Variants in MYO1C observed in about 807,000 individuals in gnomAD.
The protein encoded by MYO1C is unconventional myosin-Ic.
Under a neutral mutation model 150.8 loss-of-function variants are expected in MYO1C, and 104 were observed. The observed-to-expected ratio is 0.69, with a 90% CI of 0.59 to 0.81. MYO1C has a LOEUF of 0.81. Among genes scored for constraint, MYO1C ranks in the 30% least tolerant of loss-of-function variants. The pLI is 0.00. For synonymous variants in MYO1C, 663 were observed against 579.9 expected (o/e 1.14, Z -2.06); for missense variants, 1,504 against 1,435.0 (o/e 1.05, Z -0.78).
chr17:1,488,896 C>T (rs996153105), intron 1 of MYO1C, among the ~76,000 whole-genome samples: 5 of 152,158 alleles, frequency 3.3e-5, no homozygotes, highest in African/African-American at 1.2e-4. Context: ...TGGGGTGGCC[C>T]AGCAGACCTG....
At chr17:1,492,189 G>A in intron 1 of MYO1C, 1 of 581,432 alleles carries the variant, frequency 1.7e-6, no homozygotes, top group Non-Finnish European at 3.1e-6. Context: ...GGGAAGCCGG[G>A]GAAGAGTCAA....
intron 16 of MYO1C, 40 bp from the exon 17 acceptor site, chr17:1,474,730 C>T: frequency 6.2e-7 from 1 of 1,613,416 alleles, no homozygotes; most frequent in Non-Finnish European, 8.5e-7. Context: ...GGCACAGGGA[C>T]AGGCAGGACA....
intron 7 of MYO1C, 39 bp downstream of exon 7, chr17:1,480,488 G>T: frequency 6.7e-7 from 1 of 1,497,886 alleles, no homozygotes; most frequent in Non-Finnish European, 9.3e-7. Flanking sequence ...TTTTGGGGGT[G>T]TGACAGGAGG....
Position 1,478,412 on chromosome 17 carries a change from G to A in MYO1C, c.1293C>T (p.Asn431=), listed in dbSNP as rs772863592. 5 of 1,614,198 alleles carry A rather than the reference G, an allele frequency of 3.1e-6. No homozygotes were observed. In the East Asian group the frequency reaches 6.7e-5, roughly 22 times the overall value. ...DIYGFEVFQH[N]SFEQFCINYC... is the part of the protein sequence containing the mutation. ...GACGGGGGAAAGATGGCACCGACCT[G>A]TTATGCTGAAACACTTCAAAGCCAT... The change falls in exon 11 of 32, where the codon AAC becomes AAT. Residue 431 remains asparagine (N), a splice_region_variant and synonymous_variant. Transcript: ENST00000648651. The surrounding 1 kb of genome is among the most constrained non-coding windows in gnomAD (Gnocchi z 6.3).
intron 16 of MYO1C, 36 bp downstream of exon 16, chr17:1,474,776 C>T (rs756361099): frequency 1.9e-6 from 3 of 1,598,614 alleles, no homozygotes; most frequent in Non-Finnish European, 2.6e-6. Context: ...GTGGGCTATC[C>T]CCACCCCCAC....
At chr17:1,469,861 C>T (rs2074262264) in intron 24 of MYO1C, among the ~76,000 whole-genome samples, 1 of 152,132 alleles carries the variant, frequency 6.6e-6, no homozygotes, top group Non-Finnish European at 1.5e-5. Flanking sequence ...AGGGTGAAAC[C>T]CCGTCTCTAC....
intron 1 of MYO1C, 194 bp from the exon 2 acceptor site, chr17:1,484,497 G>A: frequency 1.5e-6 from 1 of 661,852 alleles, no homozygotes; most frequent in South Asian, 1.8e-5. Flanking sequence ...GGAAAGCCGG[G>A]TGTGGAGGGC....
chr17:1,485,819 C>CCCG (rs1478798048), intron 1 of MYO1C: 6 of 640,412 alleles, frequency 9.4e-6, no homozygotes, highest in African/African-American at 2.0e-5. Context: ...CGCACCGCCC[C>CCCG]CACCCGGGCC....
intron 5 of MYO1C, 190 bp from the exon 6 acceptor site, chr17:1,481,075 G>C (rs1227098234): frequency 1.6e-6 from 1 of 616,726 alleles, no homozygotes; most frequent in African/African-American, 1.8e-5. Context: ...GAAATGGGGA[G>C]ATTCAACTCC....
intron 31 of MYO1C, among the ~76,000 whole-genome samples, chr17:1,466,919 A>G (rs1022944970): frequency 6.6e-6 from 1 of 151,502 alleles, no homozygotes; most frequent in Admixed American, 6.6e-5. Flanking sequence ...GAGCCACTGC[A>G]CCCAGCCTTT....
In MYO1C at chr17:1,478,496, G is replaced by C; in HGVS notation, c.1213-4C>G. ...GCCAGCTGGGGCTCTCCACGTCCTA[G>C]GGCAGTCATTCAACCGAAGGCGTGG... On this transcript the variant is annotated splice_region_variant and splice_polypyrimidine_tract_variant and intron_variant, in intron 10 of 31. Coordinates refer to ENST00000648651, the MANE Select transcript of MYO1C (RefSeq NM_001080779.2). The surrounding 1 kb of genome is among the most constrained non-coding windows in gnomAD (Gnocchi z 6.3). The C allele has an allele frequency of 3.1e-6, 5 of 1,614,114 alleles. No homozygotes were observed. Among genetic ancestry groups the C allele is most frequent in the East Asian group, 2.2e-5 (1 of 44,888 alleles).
rs988943619 is a variant in MYO1C, at chr17:1,478,822, G to A, written c.1093-87C>T. 63 of 1,586,938 alleles carry A rather than the reference G, an allele frequency of 4.0e-5. No individual in the cohort carries two copies. The highest frequency in any genetic ancestry group is 4.5e-4 in the Middle Eastern group (2 of 4,430). ...CCAGGCTCAGGCAGACCAGGAAGCCGCCACCACTCTGCACTCCCAGCTCCA... is the reference window on the plus strand; with the variant it reads ...CCAGGCTCAGGCAGACCAGGAAGCCACCACCACTCTGCACTCCCAGCTCCA... On this transcript the variant is annotated intron_variant, in intron 9 of 31. Transcript: ENST00000648651. The surrounding 1 kb of genome is among the most constrained non-coding windows in gnomAD (Gnocchi z 6.3).
chr17:1,482,475 T>C lies in MYO1C; in HGVS notation c.627+3A>G, dbSNP rs1272824012. 6.2e-7 allele frequency: 1 copy of C among 1,613,102 alleles called. No individual in the cohort carries two copies. Among genetic ancestry groups the C allele is most frequent in the Non-Finnish European group, 8.5e-7 (1 of 1,179,236 alleles). ...ATCCTCACGACACACACATCCATGG[T>C]ACCTTGAAGTCAAACTGCACATCCA... On this transcript the variant is annotated splice_donor_region_variant and intron_variant, in intron 5 of 31. Transcript: ENST00000648651.
rs1433940206 is a variant in MYO1C, at chr17:1,483,668, T to C, written c.289A>G (p.Ser97Gly). 3 of 1,613,124 alleles carry C rather than the reference T, an allele frequency of 1.9e-6. No individual in the cohort carries two copies. The highest frequency in any genetic ancestry group is 2.2e-5 in the East Asian group (1 of 44,872). ...VNPYRDLQIY[S>G]RQHMERYRGV... ...CGGTAACGCTCCATATGCTGCCGGC[T>C]GTAGATCTGCAGGTCCCGGTAGGGA... Residue 97 changes from serine to glycine, a missense_variant, in exon 3 of 32, where the codon AGC becomes GGC. Ser to Gly is a moderately conservative substitution (Grantham distance 56). Coordinates refer to ENST00000648651, the MANE Select transcript of MYO1C (RefSeq NM_001080779.2).
intron 24 of MYO1C, among the ~76,000 whole-genome samples, chr17:1,469,904 G>A (rs1386075138): frequency 4.6e-5 from 7 of 152,050 alleles, no homozygotes; most frequent in Non-Finnish European, 8.8e-5. Flanking sequence ...GCGTAGTGGC[G>A]GGCGCCTGTA....
intron 1 of MYO1C, among the ~76,000 whole-genome samples, chr17:1,490,535 C>T (rs2074717809): frequency 6.6e-6 from 1 of 152,068 alleles, no homozygotes; most frequent in African/African-American, 2.4e-5. Context: ...AAACAAAAAC[C>T]TCACCTCCAT....
chr17:1,479,451 T>A lies in MYO1C; in HGVS notation c.1072A>T (p.Ile358Phe). ...TLREALTHRKIIAKGEELLSP... is the reference protein window; with the variant it reads ...TLREALTHRKFIAKGEELLSP... ...CTCACCTCCTCCCCCTTGGCGATGATCTTCCTGTGTGTCAGGGCTTCTCGC... is the reference window on the plus strand; with the variant it reads ...CTCACCTCCTCCCCCTTGGCGATGAACTTCCTGTGTGTCAGGGCTTCTCGC... Residue 358 changes from isoleucine (I) to phenylalanine (F), a missense_variant, in exon 9 of 32, where the codon ATC becomes TTC. Ile to Phe is a conservative substitution (Grantham distance 21). Transcript: ENST00000648651. This position sits in a 1 kb window ranked among gnomAD's most constrained non-coding sequence, Gnocchi z 4.2. 2 of 1,496,078 alleles carry A rather than the reference T, an allele frequency of 1.3e-6. No homozygotes were observed. Among genetic ancestry groups the A allele is most frequent in the South Asian group, 1.2e-5 (1 of 83,222 alleles). The allele number at this position is 1,496,078 out of a possible 1,614,324, so 92.7% of individuals were successfully genotyped here.
chr17:1,475,167 T>G (rs1485047893), intron 14 of MYO1C, 135 bp from the exon 15 acceptor site: 1 of 845,520 alleles, frequency 1.2e-6, no homozygotes, highest in East Asian at 2.7e-5. Flanking sequence ...ACGGCTGTAA[T>G]CCCAGCAGTT....
rs1474492561 is a variant in MYO1C at position 1,492,501 on chromosome 17, G to C, written c.-14C>G. 2 of 1,591,930 alleles carry C rather than the reference G, an allele frequency of 1.3e-6. No individual in the cohort carries two copies. The highest frequency in any genetic ancestry group is 1.7e-6 in the Non-Finnish European group (2 of 1,169,750). On this transcript the variant is annotated 5_prime_UTR_variant, in exon 1 of 32. Coordinates refer to ENST00000648651, the MANE Select transcript of MYO1C (RefSeq NM_001080779.2). Reference sequence around the variant, plus strand: ...TTGCAGCGCCATTCCGCCCTGCGGAGAGCCAGCGGCCTGGGCACCGCGGCC... The same window carrying C: ...TTGCAGCGCCATTCCGCCCTGCGGACAGCCAGCGGCCTGGGCACCGCGGCC...
Sources: allele counts gnomAD v4.1 joint callset (sites outside exome capture counted in the v4.1 genomes callset), GRCh38; gene constraint gnomAD v4.1.1; non-coding constraint Gnocchi (gnomAD v3.1); transcripts MANE v1.5; gene names NCBI Gene and HGNC (gene_info 2026-07-23, HGNC 2026-07-21).